Variants in FAAH observed in about 807,000 individuals in gnomAD.
FAAH encodes fatty-acid amide hydrolase 1.
In FAAH, 63 loss-of-function variants were observed where a neutral mutation model predicts 69.7. That is an observed-to-expected ratio of 0.90 (90% confidence interval 0.74 to 1.12). The LOEUF (loss-of-function observed/expected upper bound fraction) is 1.12. FAAH is among the 50% of genes most tolerant of loss of function. The probability of loss-of-function intolerance (pLI) is 0.00; values close to 1 mark genes in which losing one functional copy is unlikely to be tolerated. For missense variants in FAAH, 680 were observed against 755.0 expected, an observed-to-expected ratio of 0.90 and a Z score of 1.16; for synonymous variants, 305 against 324.2, an observed-to-expected ratio of 0.94 and a Z score of 0.64.
At chr1:46,412,348 G>C (rs751007511) in intron 13 of FAAH, 97 bp downstream of exon 13, 17 of 1,037,064 alleles carry the variant, frequency 1.6e-5, no homozygotes, top group Non-Finnish European at 2.0e-5. Context: ...GGAGGACCCT[G>C]CCCTCTCGGG....
rs200320158 is a variant in FAAH, at chr1:46,413,454, A to G, written c.1619A>G (p.Lys540Arg). Residue 540 changes from lysine to arginine, a missense_variant, in exon 15 of 15, where the codon AAG (lysine) becomes AGG (arginine). Coordinates refer to ENST00000243167, the MANE Select transcript of FAAH (RefSeq NM_001441.3). ...TGCCTGTATCCCCTATAGGGCATGAAGAAGAGTGTGGGGCTGCCGGTGGCC... is the reference window on the plus strand; with the variant it reads ...TGCCTGTATCCCCTATAGGGCATGAGGAAGAGTGTGGGGCTGCCGGTGGCC... ...IWDKMLQKGM[K>R]KSVGLPVAVQ... 2.4e-5 allele frequency: 38 copies of G among 1,613,968 alleles called. No homozygotes were observed. Among genetic ancestry groups the G allele is most frequent in the Non-Finnish European group, 3.2e-5 (38 of 1,180,006 alleles).
intron 1 of FAAH, among the ~76,000 whole-genome samples, chr1:46,396,020 C>T (rs985374962): frequency 6.6e-6 from 1 of 151,970 alleles, no homozygotes; most frequent in African/African-American, 2.4e-5. Context: ...CAGCACTGGT[C>T]TCTGAGTTCC....
At chr1:46,396,297 A>G (rs1309891019) in intron 1 of FAAH, among the ~76,000 whole-genome samples, 1 of 152,222 alleles carries the variant, frequency 6.6e-6, no homozygotes, top group Non-Finnish European at 1.5e-5. Context: ...ATCTCAGTAA[A>G]TAGAACGTAG....
Position 46,409,043 on chromosome 1 carries a change from T to C in FAAH, c.1078-58T>C, listed in dbSNP as rs1664851658. ...CATCCTCAGGGCCGCCCAGACAGCA[T>C]GGGGATCATGAAGCCAGTTGTTAGG... On this transcript the variant is annotated intron_variant, in intron 8 of 14. Transcript: ENST00000243167. 28 of 1,424,498 alleles carry C rather than the reference T, an allele frequency of 2.0e-5. No homozygotes were observed. The South Asian group carries it at 3.1e-4, about 16-fold the overall frequency. The allele number at this position is 1,424,498 out of a possible 1,614,324, so 88.2% of individuals were successfully genotyped here.
At chr1:46,408,359 G>T (rs147161538) in intron 7 of FAAH, 100 bp from the exon 8 acceptor site, 177 of 1,537,708 alleles carry the variant, frequency 1.2e-4, no homozygotes, top group Non-Finnish European at 1.4e-4. Context: ...CTGCAGCCTC[G>T]CAGCTGTGTC....
intron 6 of FAAH, 47 bp downstream of exon 6, chr1:46,406,125 C>G: frequency 1.2e-6 from 2 of 1,613,678 alleles, no homozygotes; most frequent in South Asian, 1.1e-5. Flanking sequence ...TGGGGGTCGG[C>G]CTGACCCGCT....
rs1664895608 is a variant in FAAH at position 46,410,643 on chromosome 1, C to G, written c.1275+146C>G. 2 of 1,087,508 alleles carry G rather than the reference C, an allele frequency of 1.8e-6. No homozygotes were observed. The highest frequency in any genetic ancestry group is 3.1e-5 in the African/African-American group (2 of 64,798). 67.4% of individuals were successfully genotyped at this position (1,087,508 alleles called of 1,614,324 possible). A position where few individuals can be genotyped will look rare whatever the true frequency, so the allele number is the denominator to read the frequency against. ...CTCTCCAGTCCCCACCCAGACTGCT[C>G]TCCTCCTCTGTCCCCTGCGATCTTC... On this transcript the variant is annotated intron_variant, in intron 10 of 14. Transcript: ENST00000243167. The surrounding 1 kb of genome is among the most constrained non-coding windows in gnomAD (Gnocchi z 4.9).
At chr1:46,402,977 G>A (rs1251284841) in intron 2 of FAAH, among the ~76,000 whole-genome samples, 3 of 152,144 alleles carry the variant, frequency 2.0e-5, no homozygotes, top group African/African-American at 4.8e-5. Context: ...ACAGCTGTGA[G>A]CCACTGCAGC....
chr1:46,405,668 G>T lies in FAAH; in HGVS notation c.659G>T (p.Gly220Val), dbSNP rs1490943212. Reference protein sequence around the residue: ...SSKSPGGSSGGEGALIGSGGS... With the variant: ...SSKSPGGSSGVEGALIGSGGS... ...AAAAGCCCAGGGGGCTCCTCAGGGG[G>T]TGAAGGGGCCCTCATCGGGTCTGGA... The change falls in exon 5 of 15, where the codon GGT (glycine) becomes GTT (valine). Residue 220 changes from glycine (G) to valine (V), a missense_variant. By Grantham distance (109) the Gly-to-Val change is moderately radical. Coordinates refer to ENST00000243167, the MANE Select transcript of FAAH (RefSeq NM_001441.3). This position sits in a 1 kb window ranked among gnomAD's most constrained non-coding sequence, Gnocchi z 4.1. The T allele has an allele frequency of 6.2e-7, 1 of 1,613,584 alleles. No homozygotes were observed. Among genetic ancestry groups the T allele is most frequent in the Non-Finnish European group, 8.5e-7 (1 of 1,180,034 alleles).
At position 46,402,735 on chromosome 1, in the gene FAAH, C is replaced by T. The variant is rs184719720; in HGVS notation, c.309+531C>T. ...TGAGATGGAGTCTCGCTCTGTTGCCCAGGCTGGAATGCAGTGGCATGATCT... is the reference window on the plus strand; with the variant it reads ...TGAGATGGAGTCTCGCTCTGTTGCCTAGGCTGGAATGCAGTGGCATGATCT... On this transcript the variant is annotated intron_variant, in intron 2 of 14. Transcript: ENST00000243167. 7.4e-3 allele frequency among the ~76,000 whole-genome samples: 1,131 copies of T among 151,844 alleles called. 9 individuals carry two copies. Among genetic ancestry groups the T allele is most frequent in the Non-Finnish European group, 9.8e-3 (666 of 67,944 alleles).
At chr1:46,403,930 G>T (rs1664747333) in intron 2 of FAAH, among the ~76,000 whole-genome samples, 1 of 152,246 alleles carries the variant, frequency 6.6e-6, no homozygotes, top group Admixed American at 6.5e-5. Flanking sequence ...TGTTTGAAAA[G>T]AAAGGGAGGG....
chr1:46,403,181 A>C (rs1418215549), intron 2 of FAAH, among the ~76,000 whole-genome samples: 1 of 150,766 alleles, frequency 6.6e-6, no homozygotes, highest in African/African-American at 2.4e-5. Flanking sequence ...CCCAGGCTGG[A>C]GTGCAGTGGC....
rs1177491814 is a variant in FAAH at position 46,412,131 on chromosome 1, T to G, written c.1357-12T>G. ...CTGAGTGCTTTCACCTGGTGTGTTG[T>G]GTCCTCCGCAGGTGTACCGCAAAAC... On this transcript the variant is annotated splice_polypyrimidine_tract_variant and intron_variant, in intron 12 of 14. Coordinates refer to ENST00000243167, the MANE Select transcript of FAAH (RefSeq NM_001441.3). The G allele has an allele frequency of 4.5e-6, 7 of 1,551,380 alleles. No homozygotes were observed. The highest frequency in any genetic ancestry group is 6.1e-6 in the Non-Finnish European group (7 of 1,146,238).
chr1:46,401,345 T>C (rs1477275251), intron 1 of FAAH, among the ~76,000 whole-genome samples: 1 of 152,046 alleles, frequency 6.6e-6, no homozygotes, highest in African/African-American at 2.4e-5. Context: ...TAGGCAGCCT[T>C]TAAGAACTGG....
intron 7 of FAAH, 119 bp from the exon 8 acceptor site, chr1:46,408,340 C>T: frequency 7.3e-7 from 1 of 1,361,868 alleles, no homozygotes; most frequent in Admixed American, 1.7e-5. Flanking sequence ...AAGGGGCTGG[C>T]CTCGCTGACT....
chr1:46,412,990 C>T (rs1664943732), intron 13 of FAAH, 85 bp from the exon 14 acceptor site: 42 of 1,513,470 alleles, frequency 2.8e-5, no homozygotes, highest in Non-Finnish European at 3.4e-5. Context: ...ACACAGGGTG[C>T]CATTTCATAT....
At chr1:46,394,613 C>A in intron 1 of FAAH, 70 bp downstream of exon 1, 1 of 1,230,244 alleles carries the variant, frequency 8.1e-7, no homozygotes, top group Non-Finnish European at 1.0e-6. Flanking sequence ...AGCCGCCGGA[C>A]CCGCCGAGGG....
chr1:46,406,821 T>A (rs892152252), intron 7 of FAAH, among the ~76,000 whole-genome samples: 1 of 151,812 alleles, frequency 6.6e-6, no homozygotes, highest in South Asian at 2.1e-4. Flanking sequence ...TTATCCAGGA[T>A]GGTCTGGATC....
At position 46,405,244 on chromosome 1, in the gene FAAH, C is replaced by G; in HGVS notation, c.444+96C>G. The G allele has an allele frequency of 6.2e-7, 1 of 1,611,016 alleles. No individual in the cohort carries two copies. Among genetic ancestry groups the G allele is most frequent in the Non-Finnish European group, 8.5e-7 (1 of 1,179,310 alleles). On this transcript the variant is annotated intron_variant, in intron 3 of 14. Coordinates refer to ENST00000243167, the MANE Select transcript of FAAH (RefSeq NM_001441.3). The surrounding 1 kb of genome is among the most constrained non-coding windows in gnomAD (Gnocchi z 4.1). Reference sequence around the variant, plus strand: ...CATTTTGGGCCCTTAGAGGAGGTATCAGGTCCAGAGGCCTTCCGAGGGGAC... The same window carrying G: ...CATTTTGGGCCCTTAGAGGAGGTATGAGGTCCAGAGGCCTTCCGAGGGGAC...
Sources: gnomAD v4.1 joint callset for allele counts (sites outside exome capture counted in the v4.1 genomes callset) on GRCh38, gnomAD v4.1.1 for gene constraint, Gnocchi (gnomAD v3.1) non-coding constraint, MANE v1.5 for transcripts, NCBI Gene and HGNC (gene_info 2026-07-23, HGNC 2026-07-21) for gene names.